Variants in IPCEF1 observed in about 807,000 individuals in gnomAD.
The protein encoded by IPCEF1 is interactor protein for cytohesin exchange factors 1.
A neutral mutation model predicts 50.9 loss-of-function variants in IPCEF1; 31 were observed. That is an observed-to-expected ratio of 0.61 (90% CI 0.46 to 0.82). IPCEF1 has a LOEUF of 0.82. Ranked by LOEUF, IPCEF1 falls within the 40% of genes least tolerant of loss-of-function variation. The pLI is 0.00. For synonymous variants in IPCEF1, 181 were observed against 192.0 expected (o/e 0.94, Z 0.47); for missense variants, 458 against 514.0 (o/e 0.89, Z 1.05).
intron 1 of IPCEF1, among the ~76,000 whole-genome samples, chr6:154,314,500 A>G (rs1220583040): frequency 6.6e-6 from 1 of 152,178 alleles, no homozygotes; most frequent in Non-Finnish European, 1.5e-5. Flanking sequence ...TCTACCTAGG[A>G]AACTTTTGTT....
chr6:154,259,293 C>A (rs914366646), intron 3 of IPCEF1, among the ~76,000 whole-genome samples: 2 of 152,172 alleles, frequency 1.3e-5, no homozygotes, highest in Non-Finnish European at 2.9e-5. Flanking sequence ...TTAAAAAGCA[C>A]AATACCTTTC....
At chr6:154,326,440 A>C (rs1366154286) in intron 1 of IPCEF1, among the ~76,000 whole-genome samples, 1 of 152,174 alleles carries the variant, frequency 6.6e-6, no homozygotes. Context: ...CAAATAGCCA[A>C]ATCATGAATG....
Position 154,159,968 on chromosome 6 carries a change from CTCTG to C in IPCEF1, c.1173_1176del (p.Tyr391Ter), listed in dbSNP as rs1362021766. On this transcript the variant is annotated frameshift_variant, in exon 12 of 12. Coordinates refer to ENST00000367220, the MANE Select transcript of IPCEF1 (RefSeq NM_001130700.2). LOFTEE classifies it low-confidence loss of function (END_TRUNC). ...AGCAGGGTGTTCATGACTTTCCACT[CTCTG>C]TATTTCCTGGCTGTCAGCTTCGGGT... is the stretch of plus-strand genomic sequence containing the variant. 6.2e-7 allele frequency: 1 copy of C among 1,613,280 alleles called. No individual in the cohort carries two copies.
intron 10 of IPCEF1, among the ~76,000 whole-genome samples, chr6:154,177,821 T>C (rs1395539841): frequency 6.6e-6 from 1 of 152,228 alleles, no homozygotes; most frequent in Non-Finnish European, 1.5e-5. Context: ...ATCATGCTAC[T>C]ATAAAGACAC....
intron 2 of IPCEF1, among the ~76,000 whole-genome samples, chr6:154,273,724 C>CTTTTTTTTCTTT (rs1781961915): frequency 1.6e-5 from 1 of 63,316 alleles, no homozygotes; most frequent in African/African-American, 5.6e-5. Context: ...TTCTTTCTTT[C>CTTTTTTTTCTTT]TTTTTTTTTT....
intron 1 of IPCEF1, among the ~76,000 whole-genome samples, chr6:154,329,377 C>T (rs1241246114): frequency 6.6e-6 from 1 of 152,138 alleles, no homozygotes; most frequent in East Asian, 1.9e-4. Flanking sequence ...AGGAAGATCA[C>T]TTGAGCTCAG....
chr6:154,175,979 C>G (rs1484764824), intron 10 of IPCEF1, among the ~76,000 whole-genome samples: 1 of 152,186 alleles, frequency 6.6e-6, no homozygotes, highest in Non-Finnish European at 1.5e-5. Flanking sequence ...CCACCACAAT[C>G]AAGTCGGCTT....
intron 10 of IPCEF1, among the ~76,000 whole-genome samples, chr6:154,198,078 T>C (rs531485709): frequency 1.4e-4 from 22 of 152,266 alleles, no homozygotes; most frequent in African/African-American, 4.8e-4. Context: ...CAATATTCAA[T>C]GAAAATGTTT....
chr6:154,196,426 T>A (rs898162732), intron 10 of IPCEF1, among the ~76,000 whole-genome samples: 2 of 152,188 alleles, frequency 1.3e-5, no homozygotes, highest in African/African-American at 4.8e-5. Context: ...TTATTTTTTT[T>A]AATTAAGCTT....
intron 1 of IPCEF1, among the ~76,000 whole-genome samples, chr6:154,318,712 CAAAA>C (rs57436031): frequency 6.1e-5 from 6 of 98,818 alleles, no homozygotes; most frequent in Admixed American, 1.1e-4. Flanking sequence ...GACCCTGTCT[CAAAA>C]AAAAAAAAAA....
chr6:154,227,730 T>C (rs1279196630), intron 5 of IPCEF1, among the ~76,000 whole-genome samples: 2 of 152,102 alleles, frequency 1.3e-5, no homozygotes, highest in Non-Finnish European at 2.9e-5. Context: ...AAAAAATTAA[T>C]TAATTAATTA....
chr6:154,208,314 A>G (rs1343169649), intron 9 of IPCEF1, among the ~76,000 whole-genome samples: 1 of 152,102 alleles, frequency 6.6e-6, no homozygotes, highest in Non-Finnish European at 1.5e-5. Flanking sequence ...TTTGCTTGGA[A>G]AACTTTTCCC....
intron 3 of IPCEF1, among the ~76,000 whole-genome samples, chr6:154,265,531 G>A (rs918863083): frequency 2.0e-5 from 3 of 151,866 alleles, no homozygotes; most frequent in Admixed American, 6.6e-5. Flanking sequence ...TGCCCTCCTC[G>A]GCCTCCCAAA....
intron 6 of IPCEF1, 45 bp downstream of exon 6, chr6:154,223,125 T>C (rs1268469314): frequency 4.3e-6 from 6 of 1,383,768 alleles, no homozygotes; most frequent in East Asian, 2.3e-5. Flanking sequence ...TATGAAGAGA[T>C]AGTATCCTGG....
At chr6:154,212,612 C>G (rs771957963) in intron 9 of IPCEF1, among the ~76,000 whole-genome samples, 158 bp downstream of exon 9, 8 of 152,156 alleles carry the variant, frequency 5.3e-5, no homozygotes, top group Non-Finnish European at 1.0e-4. Flanking sequence ...GGAGAAGGCT[C>G]AAAATCAGCA....
intron 1 of IPCEF1, among the ~76,000 whole-genome samples, chr6:154,319,738 T>C (rs1278411825): frequency 6.6e-6 from 1 of 152,250 alleles, no homozygotes; most frequent in Non-Finnish European, 1.5e-5. Context: ...CCGGGTGTGA[T>C]ACTTCAAGAT....
chr6:154,351,336 G>T (rs1300072782), intron 1 of IPCEF1, among the ~76,000 whole-genome samples: 1 of 152,084 alleles, frequency 6.6e-6, no homozygotes, highest in East Asian at 1.9e-4. Flanking sequence ...ACCCAGGAAT[G>T]GTTCTGAGGT....
rs145690219 is a variant in IPCEF1, at chr6:154,296,967, A to C, written c.-61-7211T>G. Among the ~76,000 whole-genome samples, 1,307 of 152,274 alleles carry C rather than the reference A, an allele frequency of 8.6e-3. 8 individuals carry two copies. The highest frequency in any genetic ancestry group is 0.014 in the Non-Finnish European group (943 of 68,008). ...TCAGGAGGATTGGATGCAGATCCTAAATGTGCGATATAAGATGACGCTGCT... is the reference window on the plus strand; with the variant it reads ...TCAGGAGGATTGGATGCAGATCCTACATGTGCGATATAAGATGACGCTGCT... On this transcript the variant is annotated intron_variant, in intron 1 of 11. Transcript: ENST00000367220.
chr6:154,323,825 C>T (rs753091479), intron 1 of IPCEF1, among the ~76,000 whole-genome samples: 8 of 152,108 alleles, frequency 5.3e-5, no homozygotes, highest in Non-Finnish European at 7.4e-5. Context: ...TGGTGGCAGA[C>T]GCCTGTAATC....
Sources: allele counts gnomAD v4.1 joint callset (sites outside exome capture counted in the v4.1 genomes callset), GRCh38; gene constraint gnomAD v4.1.1; transcripts MANE v1.5; gene names NCBI Gene and HGNC (gene_info 2026-07-23, HGNC 2026-07-21).